The following SIPA1L3 variants were observed in gnomAD, a reference collection of about 807,000 sequenced individuals.
SIPA1L3 encodes signal induced proliferation associated 1 like 3.
Under a neutral mutation model 150.1 loss-of-function variants are expected in SIPA1L3, and 59 were observed. The observed-to-expected ratio is 0.39, with a 90% CI of 0.32 to 0.49. The LOEUF (loss-of-function observed/expected upper bound fraction) is 0.49. Ranked by LOEUF, SIPA1L3 falls within the 20% of genes least tolerant of loss-of-function variation. SIPA1L3 has a pLI of 0.86. For synonymous variants in SIPA1L3, 1,070 were observed against 1,077.6 expected, an observed-to-expected ratio of 0.99 and a Z score of 0.14; for missense variants, 2,211 against 2,489.5, an observed-to-expected ratio of 0.89 and a Z score of 2.38.
At chr19:38,195,845 C>G (rs926299945) in intron 18 of SIPA1L3, among the ~76,000 whole-genome samples, 1 of 144,852 alleles carries the variant, frequency 6.9e-6, no homozygotes, top group South Asian at 2.4e-4. Flanking sequence ...CTACTCACCG[C>G]CTTGTATCCC....
intron 12 of SIPA1L3, among the ~76,000 whole-genome samples, chr19:38,147,774 A>G (rs979330614): frequency 2.0e-5 from 3 of 151,804 alleles, no homozygotes; most frequent in African/African-American, 7.3e-5. Flanking sequence ...CCTCCCAGCA[A>G]CTCCTTGAGG....
chr19:37,975,965 C>T (rs373095242), intron 1 of SIPA1L3, among the ~76,000 whole-genome samples: 12 of 152,002 alleles, frequency 7.9e-5, no homozygotes, highest in African/African-American at 1.2e-4. Context: ...ATTAGTCATG[C>T]GTGGTGGCGG....
At chr19:37,988,811 C>T (rs542900154) in intron 1 of SIPA1L3, among the ~76,000 whole-genome samples, 14 of 152,310 alleles carry the variant, frequency 9.2e-5, no homozygotes, top group Admixed American at 7.2e-4. Flanking sequence ...CCCCATTGCT[C>T]TTTGACCCTT....
In SIPA1L3 at chr19:38,142,705, A is replaced by G. The variant is rs760605245; in HGVS notation, c.3528A>G (p.Pro1176=). Reference sequence around the variant, plus strand: ...CCTACGTGAGATACAAGCCATCCCCAGAAAGGTCAGCCTCCCTCAATTCTT... The same window carrying G: ...CCTACGTGAGATACAAGCCATCCCCGGAAAGGTCAGCCTCCCTCAATTCTT... ...SATYVRYKPS[P]ERYTAAPHPL... is the part of the protein sequence containing the mutation. Residue 1176 remains proline, a synonymous_variant, in exon 12 of 22, where the codon CCA becomes CCG. Coordinates refer to ENST00000222345, the MANE Select transcript of SIPA1L3 (RefSeq NM_015073.3). 6.2e-7 allele frequency: 1 copy of G among 1,612,942 alleles called. No homozygotes were observed. Among genetic ancestry groups the G allele is most frequent in the Non-Finnish European group, 8.5e-7 (1 of 1,179,224 alleles).
At chr19:38,198,596 G>T in intron 19 of SIPA1L3, 64 bp downstream of exon 19, 1 of 1,344,628 alleles carries the variant, frequency 7.4e-7, no homozygotes, top group Admixed American at 3.0e-5. Context: ...AGGGATTCAT[G>T]GAGGGCCTCA....
intron 2 of SIPA1L3, among the ~76,000 whole-genome samples, chr19:38,078,519 C>T (rs1399362588): frequency 6.9e-6 from 1 of 145,638 alleles, no homozygotes; most frequent in Non-Finnish European, 1.6e-5. Flanking sequence ...CATGCACACA[C>T]ACACAGACGC....
intron 18 of SIPA1L3, among the ~76,000 whole-genome samples, chr19:38,195,885 G>C (rs1041763843): frequency 6.7e-6 from 1 of 149,496 alleles, no homozygotes; most frequent in Non-Finnish European, 1.5e-5. Context: ...CACTAGATGA[G>C]AATGTGTCTG....
At chr19:38,007,694 C>T (rs931500597) in intron 1 of SIPA1L3, among the ~76,000 whole-genome samples, 1 of 151,786 alleles carries the variant, frequency 6.6e-6, no homozygotes, top group Non-Finnish European at 1.5e-5. Context: ...ATTAGATCAC[C>T]TTCATTTTCC....
In SIPA1L3 at chr19:38,082,919, C is replaced by T. The variant is rs768606375; in HGVS notation, c.1354C>T (p.Pro452Ser). 6.2e-6 allele frequency: 10 copies of T among 1,613,030 alleles called. 1 individual carries two copies. In the Admixed American group the frequency reaches 1.3e-4, roughly 22 times the overall value. The change falls in exon 3 of 22, where the codon CCG becomes TCG. Residue 452 changes from proline (P) to serine (S), a missense_variant. Pro to Ser is a moderately conservative substitution (Grantham distance 74). Around this residue, in one of 5 missense-constraint regions of SIPA1L3, gnomAD observed 587 missense variants for 534.5 expected, o/e 1.10. Transcript: ENST00000222345. ...CTTCTCCCGGGCTTCCGTGGGCTCC[C>T]CGAGCAGCGGCGAGGGCCACCTGGC... ...VSFSRASVGS[P>S]SSGEGHLAEP...
At chr19:38,147,302 T>G (rs1174261613) in intron 12 of SIPA1L3, among the ~76,000 whole-genome samples, 1 of 152,102 alleles carries the variant, frequency 6.6e-6, no homozygotes, top group Non-Finnish European at 1.5e-5. Flanking sequence ...CTAAATCAAG[T>G]GACTCTCCTG....
At position 38,083,033 on chromosome 19, in the gene SIPA1L3, C is replaced by G. The variant is rs1466845091; in HGVS notation, c.1468C>G (p.Arg490Gly). 2 of 1,613,136 alleles carry G rather than the reference C, an allele frequency of 1.2e-6. No homozygotes were observed. Residue 490 changes from arginine (R) to glycine (G), a missense_variant, in exon 3 of 22, where the codon CGG (arginine) becomes GGG (glycine). By Grantham distance (125) the Arg-to-Gly change is moderately radical. Transcript: ENST00000222345. ...KEQQRTQSRP[R>G]QYSIEHVDLG... is the part of the protein sequence containing the mutation. ...GCAGCAGCGGACGCAGAGTCGGCCC[C>G]GGCAGTACAGCATCGAGCATGTGGA... is the stretch of plus-strand genomic sequence containing the variant.
chr19:37,919,762 GTGC>G (rs2145480482), intron 1 of SIPA1L3, among the ~76,000 whole-genome samples: 1 of 142,112 alleles, frequency 7.0e-6, no homozygotes, highest in South Asian at 2.3e-4. Flanking sequence ...CCAGGCTGGA[GTGC>G]AGTGGCGCGA....
intron 3 of SIPA1L3, among the ~76,000 whole-genome samples, chr19:38,084,635 C>CTTT (rs902218818): frequency 1.8e-4 from 19 of 104,494 alleles, no homozygotes; most frequent in South Asian, 3.2e-4. Context: ...TTTTCTTTTT[C>CTTT]TTTTTTTTTT....
intron 1 of SIPA1L3, among the ~76,000 whole-genome samples, chr19:37,945,428 G>A (rs2046701650): frequency 6.6e-6 from 1 of 152,036 alleles, no homozygotes; most frequent in South Asian, 2.1e-4. Flanking sequence ...TGTAGAGACG[G>A]GGTTTCACCA....
chr19:38,124,366 G>GTGGCGGGGCAGAGGCGCTCCCCAC (rs1971116284), intron 9 of SIPA1L3, among the ~76,000 whole-genome samples: 4 of 148,418 alleles, frequency 2.7e-5, no homozygotes, highest in Non-Finnish European at 5.9e-5. Flanking sequence ...CCCAGACGGG[G>GTGGCGGGGCAGAGGCGCTCCCCAC]TGGCGGGGCA....
chr19:38,150,684 G>A (rs1421670945), intron 12 of SIPA1L3, among the ~76,000 whole-genome samples: 1 of 152,024 alleles, frequency 6.6e-6, no homozygotes, highest in Non-Finnish European at 1.5e-5. Flanking sequence ...GATGTCACAG[G>A]CACACACCAC....
At chr19:38,117,456 C>T (rs1055290693) in intron 8 of SIPA1L3, among the ~76,000 whole-genome samples, 5 of 152,028 alleles carry the variant, frequency 3.3e-5, no homozygotes, top group Middle Eastern at 3.2e-3. Flanking sequence ...CCTGTCTCTA[C>T]TAAAAATACA....
intron 8 of SIPA1L3, among the ~76,000 whole-genome samples, chr19:38,116,625 A>G (rs1203251015): frequency 1.3e-5 from 2 of 151,988 alleles, no homozygotes; most frequent in South Asian, 2.1e-4. Context: ...AGGCGGGCAG[A>G]TCACTTGAGG....
chr19:37,921,539 C>T (rs1221073835), intron 1 of SIPA1L3, among the ~76,000 whole-genome samples: 1 of 152,084 alleles, frequency 6.6e-6, no homozygotes, highest in African/African-American at 2.4e-5. Flanking sequence ...GTCCTGCACC[C>T]CCTCAAGCTT....
Sources: gnomAD v4.1 joint callset for allele counts (sites outside exome capture counted in the v4.1 genomes callset) on GRCh38, gnomAD v4.1.1 for gene constraint, gnomAD v4.1.1 regional missense constraint, MANE v1.5 for transcripts, NCBI Gene and HGNC (gene_info 2026-07-23, HGNC 2026-07-21) for gene names.